AFG2A: variants seen among roughly 807,000 people sequenced by gnomAD.
The protein encoded by AFG2A is AAA ATPase AFG2A, also known as ATPase family gene 2 protein homolog A.
chr4:122,945,069 C>G, the AFG2A span, among the ~76,000 whole-genome samples: 2 of 152,220 alleles, frequency 1.3e-5, no homozygotes, highest in African/African-American at 2.4e-5. Flanking sequence ...CCCAGTTAGG[C>G]TGCTCGGGTG....
the AFG2A span, among the ~76,000 whole-genome samples, chr4:123,191,021 C>G: frequency 6.6e-6 from 1 of 152,150 alleles, no homozygotes; most frequent in Non-Finnish European, 1.5e-5. Context: ...ATGCCCTCAT[C>G]TTGCTGTCTA....
the AFG2A span, among the ~76,000 whole-genome samples, chr4:123,238,996 C>T: frequency 3.9e-5 from 6 of 152,038 alleles, no homozygotes; most frequent in Non-Finnish European, 8.8e-5. Flanking sequence ...CCTTAAATGA[C>T]CTGATGGAGC....
the AFG2A span, among the ~76,000 whole-genome samples, chr4:123,060,284 A>G: frequency 6.6e-6 from 1 of 152,220 alleles, no homozygotes; most frequent in Non-Finnish European, 1.5e-5. Flanking sequence ...CAGCTCCACT[A>G]GGTGGTGCCC....
chr4:123,237,088 G>C, the AFG2A span, among the ~76,000 whole-genome samples: 1 of 152,196 alleles, frequency 6.6e-6, no homozygotes, highest in African/African-American at 2.4e-5. Flanking sequence ...AAGTTTTCCT[G>C]TAAAAGGCCA....
At chr4:122,974,708 T>C in the AFG2A span, among the ~76,000 whole-genome samples, 1 of 152,094 alleles carries the variant, frequency 6.6e-6, no homozygotes, top group African/African-American at 2.4e-5. Context: ...TGGTGCGATC[T>C]CGGCTCACCG....
At chr4:123,128,712 TG>T in the AFG2A span, among the ~76,000 whole-genome samples, 1 of 151,858 alleles carries the variant, frequency 6.6e-6, no homozygotes, top group Non-Finnish European at 1.5e-5. Flanking sequence ...GTTCAGTGAC[TG>T]AAAAAAAAAT....
the AFG2A span, among the ~76,000 whole-genome samples, chr4:122,964,548 A>G: frequency 1.3e-5 from 2 of 152,086 alleles, no homozygotes; most frequent in Non-Finnish European, 2.9e-5. Flanking sequence ...CTAGAATAGA[A>G]TAATCGACTA....
At chr4:123,010,426 C>T in the AFG2A span, among the ~76,000 whole-genome samples, 1 of 152,046 alleles carries the variant, frequency 6.6e-6, no homozygotes, top group Admixed American at 6.6e-5. Context: ...ACTGTAAGCT[C>T]CACAATGTAG....
At chr4:123,002,922 C>T in the AFG2A span, among the ~76,000 whole-genome samples, 16 of 152,162 alleles carry the variant, frequency 1.1e-4, no homozygotes, top group African/African-American at 3.6e-4. Flanking sequence ...TTTCATTCTC[C>T]CCATCACTTT....
the AFG2A span, among the ~76,000 whole-genome samples, chr4:123,153,135 T>C: frequency 0.022 from 3,278 of 152,320 alleles, 114 homozygotes; most frequent in African/African-American, 0.074. Flanking sequence ...AGGTGGAAAC[T>C]TGACAGGCCT....
At chr4:123,172,075 G>A in the AFG2A span, among the ~76,000 whole-genome samples, 1 of 151,920 alleles carries the variant, frequency 6.6e-6, no homozygotes, top group Non-Finnish European at 1.5e-5. Context: ...TGTTTGTAAA[G>A]CAGCATACTT....
At chr4:123,031,308 C>G in the AFG2A span, among the ~76,000 whole-genome samples, 1 of 152,060 alleles carries the variant, frequency 6.6e-6, no homozygotes, top group Admixed American at 6.6e-5. Flanking sequence ...AGCACCCCAA[C>G]GCCCAGCTAA....
the AFG2A span, among the ~76,000 whole-genome samples, chr4:123,179,888 T>G: frequency 6.6e-6 from 1 of 152,094 alleles, no homozygotes; most frequent in Non-Finnish European, 1.5e-5. Flanking sequence ...TTTGAACATG[T>G]GATTACAAAG....
chr4:123,036,775 G>A, the AFG2A span, among the ~76,000 whole-genome samples: 1 of 152,034 alleles, frequency 6.6e-6, no homozygotes, highest in Non-Finnish European at 1.5e-5. Flanking sequence ...TATACTTTAT[G>A]AGAGGAACAG....
At chr4:123,179,199 T>A in the AFG2A span, among the ~76,000 whole-genome samples, 4 of 152,212 alleles carry the variant, frequency 2.6e-5, no homozygotes, top group Non-Finnish European at 5.9e-5. Context: ...TTCCTTCAGA[T>A]GCCAGCAATC....
the AFG2A span, among the ~76,000 whole-genome samples, chr4:123,273,093 A>G: frequency 2.6e-5 from 4 of 152,192 alleles, no homozygotes; most frequent in African/African-American, 7.2e-5. Context: ...GATTGTAAAT[A>G]TAGACAATTT....
chr4:123,191,633 A>G, the AFG2A span, among the ~76,000 whole-genome samples: 1 of 151,908 alleles, frequency 6.6e-6, no homozygotes, highest in Admixed American at 6.6e-5. Flanking sequence ...TCATCTATCC[A>G]TATTCTCTCT....
the AFG2A span, among the ~76,000 whole-genome samples, chr4:123,130,468 TGTCCTGTA>T: frequency 6.6e-6 from 1 of 152,258 alleles, no homozygotes. Flanking sequence ...ACTACTGATC[TGTCCTGTA>T]GTTTTGCCCA....
At chr4:123,108,698 A>G in the AFG2A span, among the ~76,000 whole-genome samples, 21 of 152,262 alleles carry the variant, frequency 1.4e-4, no homozygotes, top group Middle Eastern at 3.4e-3. Flanking sequence ...AATATTTGTC[A>G]TAGGATTTTA....
Sources: allele counts gnomAD v4.1 joint callset (sites outside exome capture counted in the v4.1 genomes callset), GRCh38; gene constraint gnomAD v4.1.1; transcripts MANE v1.5; gene names NCBI Gene and HGNC (gene_info 2026-07-23, HGNC 2026-07-21).